The following MAGI1 variants were observed in gnomAD, a reference collection of about 807,000 sequenced individuals.
MAGI1 encodes membrane associated guanylate kinase, WW and PDZ domain containing 1, also known as membrane-associated guanylate kinase, WW and PDZ domain-containing protein 1.
MAGI1 carries 58 observed loss-of-function variants against 139.9 expected under a neutral mutation model. The observed-to-expected ratio is 0.41, with a 90% CI of 0.34 to 0.52. The LOEUF (loss-of-function observed/expected upper bound fraction) is 0.52. MAGI1 is among the 20% of genes least tolerant of loss of function. The pLI is 0.12. For missense variants in MAGI1, 1,874 were observed against 1,901.6 expected (o/e 0.99, Z 0.27); for synonymous variants, 812 against 737.9 (o/e 1.10, Z -1.63).
intron 1 of MAGI1, among the ~76,000 whole-genome samples, chr3:65,825,468 C>A (rs1389623357): frequency 6.6e-6 from 1 of 152,138 alleles, no homozygotes; most frequent in African/African-American, 2.4e-5. Context: ...GATACATTGA[C>A]ACCATGGAAA....
intron 1 of MAGI1, among the ~76,000 whole-genome samples, chr3:65,943,476 G>A (rs1243890381): frequency 6.6e-6 from 1 of 152,020 alleles, no homozygotes; most frequent in Non-Finnish European, 1.5e-5. Flanking sequence ...TCGGGAGGCT[G>A]AGGCAGGAGA....
intron 5 of MAGI1, among the ~76,000 whole-genome samples, chr3:65,468,091 T>A (rs1321328713): frequency 1.3e-5 from 2 of 152,200 alleles, no homozygotes; most frequent in Middle Eastern, 3.2e-3. Flanking sequence ...TATATATGTA[T>A]AGAAAGCTGA....
At chr3:65,701,117 A>G (rs1158168639) in intron 1 of MAGI1, among the ~76,000 whole-genome samples, 4 of 152,220 alleles carry the variant, frequency 2.6e-5, no homozygotes, top group African/African-American at 9.6e-5. Context: ...CCTTGCACTA[A>G]GTGTTATTCA....
At chr3:65,487,976 CA>C (rs1418370981) in intron 3 of MAGI1, among the ~76,000 whole-genome samples, 1 of 152,198 alleles carries the variant, frequency 6.6e-6, no homozygotes, top group African/African-American at 2.4e-5. Flanking sequence ...TTCTCAATCA[CA>C]AGAACCACTG....
intron 1 of MAGI1, among the ~76,000 whole-genome samples, chr3:65,668,919 T>C (rs1435978558): frequency 6.6e-6 from 1 of 151,886 alleles, no homozygotes; most frequent in Non-Finnish European, 1.5e-5. Flanking sequence ...TGTCTTTTTT[T>C]ACATTATCTT....
chr3:65,995,110 C>T (rs1399095666), intron 1 of MAGI1, among the ~76,000 whole-genome samples: 3 of 152,184 alleles, frequency 2.0e-5, no homozygotes, highest in Admixed American at 6.5e-5. Context: ...CACTGACCCT[C>T]AACTCTTGCC....
At chr3:65,815,447 C>T (rs182666771) in intron 1 of MAGI1, among the ~76,000 whole-genome samples, 29 of 152,254 alleles carry the variant, frequency 1.9e-4, no homozygotes, top group Non-Finnish European at 2.9e-4. Context: ...TGCCTTCCTA[C>T]GCCAAAATAC....
At chr3:65,909,085 G>C (rs2061553953) in intron 1 of MAGI1, among the ~76,000 whole-genome samples, 1 of 152,168 alleles carries the variant, frequency 6.6e-6, no homozygotes, top group African/African-American at 2.4e-5. Context: ...TGACCAGGTA[G>C]AGTATTCTCA....
chr3:65,688,253 C>T (rs568673896), intron 1 of MAGI1: 49 of 850,032 alleles, frequency 5.8e-5, no homozygotes, highest in Non-Finnish European at 8.8e-5. Flanking sequence ...AGACTCTGGT[C>T]TGAATCCTCT....
chr3:65,358,937 A>T, intron 22 of MAGI1: 1 of 861,526 alleles, frequency 1.2e-6, no homozygotes, highest in Non-Finnish European at 1.9e-6. Context: ...TCAGCGTTGT[A>T]CTTACAATTC....
intron 1 of MAGI1, among the ~76,000 whole-genome samples, chr3:65,832,380 A>C (rs1056934589): frequency 2.0e-5 from 3 of 152,232 alleles, no homozygotes; most frequent in Admixed American, 6.5e-5. Flanking sequence ...ACATGTAATG[A>C]AACTGAACAC....
At chr3:65,496,248 G>T (rs1235189930) in intron 2 of MAGI1, among the ~76,000 whole-genome samples, 1 of 148,094 alleles carries the variant, frequency 6.8e-6, no homozygotes, top group East Asian at 2.0e-4. Context: ...TCACTATATT[G>T]CCCAGGCTGG....
intron 1 of MAGI1, among the ~76,000 whole-genome samples, chr3:65,625,950 A>C (rs1017680304): frequency 3.3e-5 from 5 of 152,190 alleles, no homozygotes; most frequent in African/African-American, 7.2e-5. Flanking sequence ...AAGTTCAGGA[A>C]ATGAAATCAA....
At chr3:65,358,394 A>G (rs1471118860) in intron 22 of MAGI1, among the ~76,000 whole-genome samples, 1 of 152,218 alleles carries the variant, frequency 6.6e-6, no homozygotes, top group East Asian at 1.9e-4. Context: ...TCATGAGCCA[A>G]CAAGGTCAAT....
chr3:65,685,128 A>G (rs1401011627), intron 1 of MAGI1, among the ~76,000 whole-genome samples: 1 of 151,964 alleles, frequency 6.6e-6, no homozygotes, highest in Non-Finnish European at 1.5e-5. Context: ...TCACTGTATT[A>G]TTTTGTAAAA....
At chr3:65,397,303 C>G (rs1944468390) in intron 13 of MAGI1, among the ~76,000 whole-genome samples, 1 of 152,162 alleles carries the variant, frequency 6.6e-6, no homozygotes, top group Non-Finnish European at 1.5e-5. Context: ...GAGTCTCTCC[C>G]TCACATCTCT....
intron 2 of MAGI1, among the ~76,000 whole-genome samples, chr3:65,533,629 C>T (rs1003668298): frequency 4.6e-5 from 7 of 152,160 alleles, no homozygotes; most frequent in Admixed American, 4.6e-4. Flanking sequence ...ACTTTCACTA[C>T]CCTCTGAGGA....
At chr3:65,937,801 A>G (rs1475027885) in intron 1 of MAGI1, among the ~76,000 whole-genome samples, 1 of 152,096 alleles carries the variant, frequency 6.6e-6, no homozygotes, top group Non-Finnish European at 1.5e-5. Flanking sequence ...AACTACACCA[A>G]AATTAAGTAA....
At chr3:65,683,543 G>A (rs76027185) in intron 1 of MAGI1, among the ~76,000 whole-genome samples, 3,994 of 151,866 alleles carry the variant, frequency 0.026, 75 homozygotes, top group Non-Finnish European at 0.04. Flanking sequence ...TCACACAGGT[G>A]ACAAAGAACA....
Sources: allele counts gnomAD v4.1 joint callset (sites outside exome capture counted in the v4.1 genomes callset), GRCh38; gene constraint gnomAD v4.1.1; transcripts MANE v1.5; gene names NCBI Gene and HGNC (gene_info 2026-07-23, HGNC 2026-07-21).